Variants in YJU2B observed in about 807,000 individuals in gnomAD.
The protein encoded by YJU2B is YJU2 splicing factor homolog B.
In YJU2B, 18 loss-of-function variants were observed where a neutral mutation model predicts 38.0. The observed-to-expected ratio is 0.47, with a 90% confidence interval of 0.33 to 0.70. The LOEUF (loss-of-function observed/expected upper bound fraction) is 0.70. Among genes scored for constraint, YJU2B ranks in the 30% least tolerant of loss-of-function variants. The pLI, the probability that YJU2B is intolerant of heterozygous loss-of-function variation, is 0.02. For synonymous variants in YJU2B, 246 were observed against 225.4 expected, an observed-to-expected ratio of 1.09 and a Z score of -0.82; for missense variants, 538 against 556.3, an observed-to-expected ratio of 0.97 and a Z score of 0.33.
At chr19:13,744,001 G>T (rs1414719709), upstream of YJU2B, among the ~76,000 whole-genome samples, 4 of 152,182 alleles carry the variant, frequency 2.6e-5, 1 homozygote, top group South Asian at 6.2e-4. Context: ...AGCCAGCCTG[G>T]CCAGCATAGT....
chr19:13,739,952 G>A (rs967399760), intron 2 of YJU2B, among the ~76,000 whole-genome samples: 1 of 151,948 alleles, frequency 6.6e-6, no homozygotes, highest in Non-Finnish European at 1.5e-5. Context: ...CTGTGTCCAC[G>A]CGTTCTCATT....
chr19:13,759,397 A>G, intron 8 of YJU2B, 125 bp downstream of exon 8: 2 of 711,862 alleles, frequency 2.8e-6, no homozygotes, highest in South Asian at 1.9e-5. Context: ...CAGTTTCCCC[A>G]TCTGCTACAT....
chr19:13,741,815 TC>T (rs1973102935), intron 2 of YJU2B, among the ~76,000 whole-genome samples: 1 of 152,038 alleles, frequency 6.6e-6, no homozygotes. Context: ...TTCCTAACTT[TC>T]TCTTGTTTCT....
intron 2 of YJU2B, among the ~76,000 whole-genome samples, chr19:13,739,099 A>G (rs1973029730): frequency 6.6e-6 from 1 of 152,078 alleles, no homozygotes. Flanking sequence ...AAATGGATTT[A>G]TGGTTATTTA....
chr19:13,745,730 T>TAG (rs141560422), upstream of YJU2B, among the ~76,000 whole-genome samples: 34,854 of 102,786 alleles, frequency 0.34, 6,428 homozygotes, highest in Middle Eastern at 0.49. Flanking sequence ...TAGATATCTA[T>TAG]ATATATATAT....
intron 8 of YJU2B, chr19:13,759,667 C>T (rs906473268): frequency 1.3e-5 from 2 of 152,354 alleles, no homozygotes; most frequent in African/African-American, 4.8e-5. Context: ...CTCGCTCTGT[C>T]ATCCAGGCTA....
Position 13,757,478 on chromosome 19 carries a change from G to C in YJU2B, c.196+5G>C. 6.2e-7 allele frequency: 1 copy of C among 1,612,670 alleles called. No individual in the cohort carries two copies. The highest frequency in any genetic ancestry group is 8.5e-7 in the Non-Finnish European group (1 of 1,179,024). ...GCAAGAACCACATCGGCATGGGTGA[G>C]CCTCTGCCCACCCTCCATTCAGTCC... On this transcript the variant is annotated splice_donor_5th_base_variant and intron_variant, in intron 5 of 9. Transcript: ENST00000221554.
Position 13,751,647 on chromosome 19 carries a change from T to G in YJU2B, c.-162T>G. ...GGATGCCTCCTATGCCTGGCGGGAG[T>G]CTTGTCTGAGCTGGCACCACCACAC... is the stretch of plus-strand genomic sequence containing the variant. On this transcript the variant is annotated 5_prime_UTR_variant, in exon 2 of 10. Transcript: ENST00000221554. 4 of 671,282 alleles carry G rather than the reference T, an allele frequency of 6.0e-6. No individual in the cohort carries two copies. The highest frequency in any genetic ancestry group is 1.1e-5 in the Non-Finnish European group (4 of 379,318). 41.6% of individuals were successfully genotyped at this position (671,282 alleles called of 1,614,324 possible). A position where few individuals can be genotyped will look rare whatever the true frequency, so the allele number is the denominator to read the frequency against.
intron 1 of YJU2B, among the ~76,000 whole-genome samples, chr19:13,748,270 C>T (rs1431402920): frequency 6.6e-6 from 1 of 152,168 alleles, no homozygotes; most frequent in Admixed American, 6.6e-5. Context: ...AAAAATGATT[C>T]TTGTAAAACC....
chr19:13,738,289 T>TCATC (rs1251050206), intron 2 of YJU2B, among the ~76,000 whole-genome samples: 1 of 152,206 alleles, frequency 6.6e-6, no homozygotes, highest in African/African-American at 2.4e-5. Context: ...TGGAATGACA[T>TCATC]CATCCATCAT....
intron 8 of YJU2B, among the ~76,000 whole-genome samples, chr19:13,761,867 G>C (rs755196462): frequency 1.3e-5 from 2 of 151,822 alleles, no homozygotes; most frequent in African/African-American, 4.8e-5. Flanking sequence ...AGGACCATAG[G>C]CGCATGCCAC....
chr19:13,762,310 A>C lies in YJU2B; in HGVS notation c.585A>C (p.Lys195Asn), dbSNP rs1444515152. The C allele has an allele frequency of 6.2e-7, 1 of 1,613,508 alleles. No individual in the cohort carries two copies. Among genetic ancestry groups the C allele is most frequent in the Non-Finnish European group, 8.5e-7 (1 of 1,179,942 alleles). ...MLRRRFREKK[K>N]AIQEEEERDQ... is the part of the protein sequence containing the mutation. ...GGCCCTCAACACAGGAAAAGAAAAA[A>C]GCCATCCAGGAGGAGGAGGAGAGAG... Residue 195 changes from lysine to asparagine, a missense_variant, in exon 9 of 10, where the codon AAA becomes AAC. Coordinates refer to ENST00000221554, the MANE Select transcript of YJU2B (RefSeq NM_030818.4).
chr19:13,732,113 G>A (rs189226367), intron 1 of YJU2B: 18 of 152,386 alleles, frequency 1.2e-4, no homozygotes, highest in African/African-American at 4.3e-4. Context: ...GGGTGGGAGT[G>A]GTGGGCTGAA....
Position 13,763,127 on chromosome 19 carries a change from C to T in YJU2B, c.*59C>T. 7.1e-7 allele frequency: 1 copy of T among 1,408,814 alleles called. No homozygotes were observed. The highest frequency in any genetic ancestry group is 1.4e-5 in the South Asian group (1 of 71,740). 87.3% of individuals were successfully genotyped at this position (1,408,814 alleles called of 1,614,324 possible). On this transcript the variant is annotated 3_prime_UTR_variant, in exon 10 of 10. Transcript: ENST00000221554. ...GAGGCCCGGACACACCCAGGAGGCC[C>T]CTCACAGACTGCAGACCCCCGGCTC...
chr19:13,754,927 A>G (rs417886), intron 3 of YJU2B, among the ~76,000 whole-genome samples: 62,303 of 151,806 alleles, frequency 0.41, 13,816 homozygotes, highest in African/African-American at 0.58. Context: ...GTAAGGGCCC[A>G]AGTGTCCCAG....
At chr19:13,748,365 CAT>C (rs1973328919) in intron 1 of YJU2B, among the ~76,000 whole-genome samples, 1 of 152,090 alleles carries the variant, frequency 6.6e-6, no homozygotes, top group South Asian at 2.1e-4. Context: ...CATTTTTACA[CAT>C]AAGGAAAATG....
At chr19:13,759,076 C>G in intron 7 of YJU2B, 24 bp from the exon 8 acceptor site, 2 of 1,612,908 alleles carry the variant, frequency 1.2e-6, no homozygotes, top group Non-Finnish European at 1.7e-6. Context: ...CCCCCAAAGC[C>G]CAGCCGAGCT....
chr19:13,733,598 C>G (rs1386190015), intron 2 of YJU2B, among the ~76,000 whole-genome samples: 2 of 152,082 alleles, frequency 1.3e-5, no homozygotes, highest in African/African-American at 2.4e-5. Flanking sequence ...GCACATGCCT[C>G]TAATCCCAGC....
At chr19:13,741,378 C>T (rs1317825275) in intron 2 of YJU2B, among the ~76,000 whole-genome samples, 3 of 151,616 alleles carry the variant, frequency 2.0e-5, no homozygotes. Context: ...TGATCTCAAA[C>T]CCCTGACCTC....
Sources: gnomAD v4.1 joint callset for allele counts (sites outside exome capture counted in the v4.1 genomes callset) on GRCh38, gnomAD v4.1.1 for gene constraint, MANE v1.5 for transcripts, NCBI Gene and HGNC (gene_info 2026-07-23, HGNC 2026-07-21) for gene names.